The following RFX1 variants were observed in gnomAD, a reference collection of about 807,000 sequenced individuals.
RFX1 encodes MHC class II regulatory factor RFX1.
A neutral mutation model predicts 119.6 loss-of-function variants in RFX1; 42 were observed. The observed-to-expected ratio is 0.35, with a 90% CI of 0.27 to 0.45. RFX1 has a LOEUF of 0.45. Among genes scored for constraint, RFX1 ranks in the 20% least tolerant of loss-of-function variants. The probability of loss-of-function intolerance (pLI) is 1.00; values close to 1 mark genes in which losing one functional copy is unlikely to be tolerated. For missense variants in RFX1, 1,118 were observed against 1,368.1 expected (o/e 0.82, Z 2.88); for synonymous variants, 628 against 618.5 (o/e 1.02, Z -0.23).
chr19:13,982,277 G>A lies in RFX1; in HGVS notation c.514-49C>T, dbSNP rs375249572. The A allele has an allele frequency of 2.7e-4, 288 of 1,084,416 alleles. 1 individual carries two copies. Among genetic ancestry groups the A allele is most frequent in the African/African-American group, 8.0e-4 (50 of 62,434 alleles). 67.2% of individuals were successfully genotyped at this position (1,084,416 alleles called of 1,614,324 possible). A position where few individuals can be genotyped will look rare whatever the true frequency, so the allele number is the denominator to read the frequency against. The stretch of plus-strand genomic sequence containing the variant: ...GGGCAGATCACTGATGACAGCCCGT[G>A]CAGTTGCACCGAGCATCTGCGCAGT... On this transcript the variant is annotated intron_variant, in intron 4 of 20. Transcript: ENST00000254325.
In RFX1 at chr19:13,972,767, G is replaced by A. The variant is rs758614277; in HGVS notation, c.1290C>T (p.His430=). The A allele has an allele frequency of 1.1e-5, 18 of 1,603,812 alleles. No individual in the cohort carries two copies. Among genetic ancestry groups the A allele is most frequent in the Non-Finnish European group, 1.4e-5 (17 of 1,174,560 alleles). The part of the protein sequence containing the change: ...MLGSASQSYS[H]TTRASPATVQ... ...CCGTGGCTGGCGAGGCACGGGTGGT[G>A]TGAGAGTAAGACTGGCTGGCACTGC... is the stretch of plus-strand genomic sequence containing the variant. The change falls in exon 9 of 21, where the codon CAC becomes CAT. Residue 430 remains histidine (H), a synonymous_variant. Coordinates refer to ENST00000254325, the MANE Select transcript of RFX1 (RefSeq NM_002918.5).
At chr19:13,992,478 C>T (rs1189229592) in intron 2 of RFX1, among the ~76,000 whole-genome samples, 1 of 152,168 alleles carries the variant, frequency 6.6e-6, no homozygotes, top group Non-Finnish European at 1.5e-5. Flanking sequence ...TCCTGCGTGC[C>T]TTAGCTTATG....
At position 13,980,506 on chromosome 19, in the gene RFX1, TG is replaced by T. The variant is rs1346846137; in HGVS notation, c.738+66del. ...CTCTAATAGGCCAGAGGCACAGCCG[TG>T]GGGGGCTGCAGAGGCTGCCTGGCCG... is the stretch of plus-strand genomic sequence containing the variant. On this transcript the variant is annotated intron_variant, in intron 6 of 20. Coordinates refer to ENST00000254325, the MANE Select transcript of RFX1 (RefSeq NM_002918.5). The surrounding 1 kb of genome is among the most constrained non-coding windows in gnomAD (Gnocchi z 5.1). 7.8e-6 allele frequency: 8 copies of T among 1,019,372 alleles called. No individual in the cohort carries two copies. Among genetic ancestry groups the T allele is most frequent in the Admixed American group, 2.1e-5 (1 of 47,052 alleles). The allele number at this position is 1,019,372 out of a possible 1,614,324, so 63.1% of individuals were successfully genotyped here. A position where few individuals can be genotyped will look rare whatever the true frequency, so the allele number is the denominator to read the frequency against.
At chr19:13,981,995 A>C in intron 5 of RFX1, 126 bp downstream of exon 5, 3 of 398,944 alleles carry the variant, frequency 7.5e-6, no homozygotes, top group Non-Finnish European at 1.3e-5. Flanking sequence ...TGAAGAGGGA[A>C]GCAGGACTTT....
Position 13,978,085 on chromosome 19 carries a change from A to T in RFX1, c.836T>A (p.Val279Glu). ...GACGGGCACCTGCTGGAGCTGCTGC[A>T]CCTGGGGCAGAGGAAGGGCACGTGG... ...GLQPVHVAQE[V>E]QQLQQVPVPH... Residue 279 changes from valine (V) to glutamate (E), a missense_variant and splice_region_variant, in exon 8 of 21, where the codon GTG becomes GAG. This residue lies in a region of RFX1 where 542 missense variants were observed against 602.7 expected (regional missense o/e 0.90). Transcript: ENST00000254325. 1.2e-6 allele frequency: 2 copies of T among 1,612,484 alleles called. No homozygotes were observed. Among genetic ancestry groups the T allele is most frequent in the Non-Finnish European group, 1.7e-6 (2 of 1,179,264 alleles).
chr19:13,963,599 G>C lies in RFX1; in HGVS notation c.2509C>G (p.Gln837Glu). 6.2e-7 allele frequency: 1 copy of C among 1,604,396 alleles called. No individual in the cohort carries two copies. Among genetic ancestry groups the C allele is most frequent in the East Asian group, 2.2e-5 (1 of 44,778 alleles). The change falls in exon 18 of 21, where the codon CAG becomes GAG. Residue 837 changes from glutamine (Q) to glutamate (E), a missense_variant. Gln to Glu is a conservative substitution (Grantham distance 29). Around this residue, in one of 5 missense-constraint regions of RFX1, gnomAD observed 68 missense variants for 67.2 expected, o/e 1.01. Coordinates refer to ENST00000254325, the MANE Select transcript of RFX1 (RefSeq NM_002918.5). ...GVVSQVLKPY[Q>E]GSAGFPKAAK... ...GCCTTGGGGAAGCCGGCGCTGCCCT[G>C]GTAGGGCTTGAGCACCTGGCTCACC...
At chr19:13,983,406 G>A (rs755326800) in intron 3 of RFX1, 80 bp downstream of exon 3, 5 of 1,266,432 alleles carry the variant, frequency 3.9e-6, no homozygotes, top group Non-Finnish European at 4.4e-6. Flanking sequence ...GCGGGGAGGG[G>A]AGGTGAGGCC....
At chr19:14,004,340 T>C (rs545193142) in intron 1 of RFX1, among the ~76,000 whole-genome samples, 1 of 152,282 alleles carries the variant, frequency 6.6e-6, no homozygotes, top group African/African-American at 2.4e-5. Flanking sequence ...AAACCCCGTC[T>C]CTACTAAAAA....
At chr19:14,002,729 G>A (rs1239371545) in intron 1 of RFX1, among the ~76,000 whole-genome samples, 1 of 152,188 alleles carries the variant, frequency 6.6e-6, no homozygotes, top group Non-Finnish European at 1.5e-5. Flanking sequence ...TGGGAAGCAG[G>A]TGGGAGAAAG....
Position 13,966,664 on chromosome 19 carries a change from G to A in RFX1, c.1820C>T (p.Ala607Val). 6.2e-7 allele frequency: 1 copy of A among 1,609,826 alleles called. No individual in the cohort carries two copies. The highest frequency in any genetic ancestry group is 8.5e-7 in the Non-Finnish European group (1 of 1,178,032). The stretch of plus-strand genomic sequence containing the variant: ...GTGTTCCCGGTACAGGACCTGGAAG[G>A]CTTTGATGTCCCCGGGCCCGACGCC... ...PEGVGPGDIK[A>V]FQVLYREHCE... Residue 607 changes from alanine (A) to valine (V), a missense_variant, in exon 13 of 21, where the codon GCC becomes GTC. Ala to Val is a moderately conservative substitution (Grantham distance 64). This residue lies in a region of RFX1 where 338 missense variants were observed against 508.9 expected (regional missense o/e 0.66). Transcript: ENST00000254325. The surrounding 1 kb of genome is among the most constrained non-coding windows in gnomAD (Gnocchi z 6.3).
chr19:13,991,276 T>C (rs1265440220), intron 2 of RFX1, among the ~76,000 whole-genome samples: 1 of 152,092 alleles, frequency 6.6e-6, no homozygotes, highest in Non-Finnish European at 1.5e-5. Flanking sequence ...ACAAAGGTGA[T>C]GGAGGTGAAG....
chr19:13,983,784 AG>A (rs1974514894), intron 2 of RFX1, among the ~76,000 whole-genome samples, 189 bp from the exon 3 acceptor site: 1 of 152,314 alleles, frequency 6.6e-6, no homozygotes, highest in African/African-American at 2.4e-5. Flanking sequence ...GAGCGGGCTG[AG>A]GCTTGCAGGA....
At chr19:13,975,043 CAAA>C (rs60183087) in intron 8 of RFX1, among the ~76,000 whole-genome samples, 3 of 32,116 alleles carry the variant, frequency 9.3e-5, no homozygotes, top group Non-Finnish European at 1.2e-4. Flanking sequence ...AACTCCACCT[CAAA>C]AAAAAAAAAA....
In RFX1 at chr19:13,964,019, G is replaced by A. The variant is rs369305152; in HGVS notation, c.2212-12C>T. 229 of 1,530,394 alleles carry A rather than the reference G, an allele frequency of 1.5e-4. No homozygotes were observed. The highest frequency in any genetic ancestry group is 4.0e-4 in the Admixed American group (20 of 50,552). 94.8% of individuals were successfully genotyped at this position (1,530,394 alleles called of 1,614,324 possible). Reference sequence around the variant, plus strand: ...CCAGCCGCGGCCACCTGCGTGCAGGGATTGAGGGGCTTGCTGCTTCCAAGG... The same window carrying A: ...CCAGCCGCGGCCACCTGCGTGCAGGAATTGAGGGGCTTGCTGCTTCCAAGG... On this transcript the variant is annotated splice_polypyrimidine_tract_variant and intron_variant, in intron 16 of 20. Transcript: ENST00000254325.
Position 13,993,747 on chromosome 19 carries a change from G to A in RFX1, c.97C>T (p.Pro33Ser), listed in dbSNP as rs761538214. 2.5e-6 allele frequency: 4 copies of A among 1,595,692 alleles called. No individual in the cohort carries two copies. In the South Asian group the frequency reaches 4.5e-5, roughly 18 times the overall value. Residue 33 changes from proline to serine, a missense_variant, in exon 2 of 21, where the codon CCA (proline) becomes TCA (serine). Physicochemically the swap from Pro to Ser is moderately conservative, Grantham distance 74 (BLOSUM62 -1). Transcript: ENST00000254325. ...GGGGGCTGGGGTGCCGCTGGGGGTG[G>A]TGGCGGTGGCGGCTGGGGCTGGGCT... ...PQAQPQPPPP[P>S]PPAAPQPPQP...
chr19:13,993,950 G>GA, intron 1 of RFX1, 55 bp from the exon 2 acceptor site: 1 of 992,804 alleles, frequency 1.0e-6, no homozygotes, highest in African/African-American at 1.7e-5. Flanking sequence ...ACAAAAGAAG[G>GA]AAAAACAGGA....
At chr19:14,004,919 G>A (rs1009195362) in intron 1 of RFX1, among the ~76,000 whole-genome samples, 1 of 152,156 alleles carries the variant, frequency 6.6e-6, no homozygotes, top group African/African-American at 2.4e-5. Context: ...CACAAACATG[G>A]ATAGCTTCCC....
intron 1 of RFX1, among the ~76,000 whole-genome samples, chr19:14,002,139 A>G (rs1274286766): frequency 6.6e-6 from 1 of 151,730 alleles, no homozygotes. Flanking sequence ...TCCGTCTCAA[A>G]TAAACCAAAC....
At position 13,963,122 on chromosome 19, in the gene RFX1, C is replaced by T; in HGVS notation, c.2724G>A (p.Glu908=). The part of the protein sequence containing the change: ...KGETPIAVMG[E]FANLATSLNP... ...GCCCCCAGTGGCCCGCCTCGCGCACCTCGCCCATGACGGCGATGGGGGTCT... is the reference window on the plus strand; with the variant it reads ...GCCCCCAGTGGCCCGCCTCGCGCACTTCGCCCATGACGGCGATGGGGGTCT... Residue 908 remains glutamate (E), a splice_region_variant and synonymous_variant, in exon 19 of 21, where the codon GAG becomes GAA. Transcript: ENST00000254325. The T allele has an allele frequency of 1.2e-6, 2 of 1,610,940 alleles. No individual in the cohort carries two copies. The highest frequency in any genetic ancestry group is 2.2e-5 in the East Asian group (1 of 44,730).
Sources: gnomAD v4.1 joint callset for allele counts (sites outside exome capture counted in the v4.1 genomes callset) on GRCh38, gnomAD v4.1.1 for gene constraint, gnomAD v4.1.1 regional missense constraint, Gnocchi (gnomAD v3.1) non-coding constraint, MANE v1.5 for transcripts, NCBI Gene and HGNC (gene_info 2026-07-23, HGNC 2026-07-21) for gene names.